The following RGPD8 variants were observed in gnomAD, a reference collection of about 807,000 sequenced individuals.
The protein encoded by RGPD8 is RANBP2 like and GRIP domain containing 8, also known as RANBP2-like and GRIP domain-containing protein 8.
Under a neutral mutation model 89.1 loss-of-function variants are expected in RGPD8, and 15 were observed. The ratio of observed to expected loss-of-function variants is 0.17; its 90% CI spans 0.11 to 0.26. RGPD8 has a LOEUF of 0.26. Among genes scored for constraint, RGPD8 ranks in the 10% least tolerant of loss-of-function variants. The probability of loss-of-function intolerance (pLI) is 1.00; values close to 1 mark genes in which losing one functional copy is unlikely to be tolerated. For missense variants in RGPD8, 178 were observed against 1,179.6 expected (o/e 0.15, Z 12.44); for synonymous variants, 62 against 420.9 (o/e 0.15, Z 10.44).
At chr2:112,420,239 T>C (rs1429870231) in intron 4 of RGPD8, among the ~76,000 whole-genome samples, 5 of 41,190 alleles carry the variant, frequency 1.2e-4, no homozygotes, top group African/African-American at 5.7e-4. Flanking sequence ...TACTCAGAAG[T>C]AAAGGAACCA....
At chr2:112,425,939 C>G (rs1412658730) in intron 1 of RGPD8, among the ~76,000 whole-genome samples, 4 of 152,024 alleles carry the variant, frequency 2.6e-5, no homozygotes, top group Non-Finnish European at 5.9e-5. Context: ...GTCCTCCACC[C>G]ACAAATTTAA....
At chr2:112,390,417 C>T (rs955406626) in intron 19 of RGPD8, among the ~76,000 whole-genome samples, 170 bp from the exon 20 acceptor site, 2 of 135,530 alleles carry the variant, frequency 1.5e-5, no homozygotes, top group African/African-American at 5.4e-5. Flanking sequence ...GGGCACTGTT[C>T]TAAGCACTTT....
intron 1 of RGPD8, among the ~76,000 whole-genome samples, chr2:112,427,071 A>T (rs975500503): frequency 6.6e-6 from 1 of 152,146 alleles, no homozygotes; most frequent in Non-Finnish European, 1.5e-5. Context: ...CTGGGATTAC[A>T]GGCATCAGCC....
chr2:112,411,226 C>A, intron 7 of RGPD8, among the ~76,000 whole-genome samples: 1 of 146,752 alleles, frequency 6.8e-6, no homozygotes, highest in Non-Finnish European at 1.5e-5. Flanking sequence ...TGGAAGACTG[C>A]TTATTTCTTT....
intron 7 of RGPD8, among the ~76,000 whole-genome samples, chr2:112,408,382 C>G (rs1464162432): frequency 1.2e-5 from 1 of 83,064 alleles, no homozygotes; most frequent in Admixed American, 1.4e-4. Flanking sequence ...GCTCATTTTT[C>G]AAAATATATG....
In RGPD8 at chr2:112,432,667, C is replaced by A. The variant is rs984105496; in HGVS notation, c.72+715G>T. The A allele has an allele frequency of 3.0e-6, 3 of 985,230 alleles. No individual in the cohort carries two copies. The African/African-American group carries it at 5.2e-5, about 17-fold the overall frequency. 61.0% of individuals were successfully genotyped at this position (985,230 alleles called of 1,614,324 possible). On this transcript the variant is annotated intron_variant, in intron 1 of 22. Coordinates refer to ENST00000302558, the MANE Select transcript of RGPD8 (RefSeq NM_001164463.1). Reference sequence around the variant, plus strand: ...GGACATGGGAAGAAACCCGCCGATACAGCACCCGGGTGCCCAAGCCCCCGA... The same window carrying A: ...GGACATGGGAAGAAACCCGCCGATAAAGCACCCGGGTGCCCAAGCCCCCGA...
At chr2:112,404,700 CAAAAAAAA>C (rs1318458486) in intron 8 of RGPD8, among the ~76,000 whole-genome samples, 8 of 45,756 alleles carry the variant, frequency 1.7e-4, no homozygotes, top group African/African-American at 4.2e-4. Context: ...ACTAAAAATA[CAAAAAAAA>C]AAAAAAAAAT....
chr2:112,423,829 A>G lies in RGPD8; in HGVS notation c.140+411T>C, dbSNP rs555489994. The stretch of plus-strand genomic sequence containing the variant: ...GCCTTACAGCATCACATATTGTGTC[A>G]ATTAAAGATCTTTTATACAAGCTAT... On this transcript the variant is annotated intron_variant, in intron 2 of 22. Coordinates refer to ENST00000302558, the MANE Select transcript of RGPD8 (RefSeq NM_001164463.1). 9.8e-5 allele frequency among the ~76,000 whole-genome samples: 15 copies of G among 152,362 alleles called. 1 individual carries two copies. Among genetic ancestry groups the G allele is most frequent in the African/African-American group, 3.6e-4 (15 of 41,586 alleles).
chr2:112,391,237 T>G (rs1459244130), intron 18 of RGPD8, among the ~76,000 whole-genome samples, 168 bp from the exon 19 acceptor site: 2 of 150,276 alleles, frequency 1.3e-5, no homozygotes, highest in Non-Finnish European at 3.0e-5. Context: ...GATTATCAAA[T>G]GACAAACTAG....
chr2:112,373,440 C>A (rs1573986299), intron 22 of RGPD8, among the ~76,000 whole-genome samples: 1 of 152,304 alleles, frequency 6.6e-6, no homozygotes, highest in African/African-American at 2.4e-5. Context: ...CTACTTTACC[C>A]CCCTAAGCTA....
intron 1 of RGPD8, among the ~76,000 whole-genome samples, chr2:112,425,619 G>A (rs1343950142): frequency 1.3e-5 from 2 of 151,828 alleles, no homozygotes; most frequent in Non-Finnish European, 2.9e-5. Flanking sequence ...AATTAGCTGG[G>A]CATGGTGGCA....
intron 19 of RGPD8, among the ~76,000 whole-genome samples, chr2:112,390,585 A>T (rs1678659855): frequency 1.4e-5 from 2 of 140,342 alleles, no homozygotes; most frequent in African/African-American, 2.6e-5. Flanking sequence ...GCACCCCAAC[A>T]CTCTGTCCTC....
At chr2:112,430,831 C>T (rs1679997584) in intron 1 of RGPD8, among the ~76,000 whole-genome samples, 1 of 151,942 alleles carries the variant, frequency 6.6e-6, no homozygotes, top group Non-Finnish European at 1.5e-5. Flanking sequence ...GTGGCGCATG[C>T]CTGTAGTCTC....
chr2:112,426,913 C>T (rs1214247218), intron 1 of RGPD8, among the ~76,000 whole-genome samples: 4 of 150,428 alleles, frequency 2.7e-5, no homozygotes, highest in East Asian at 4.0e-4. Flanking sequence ...GCAACCTCTG[C>T]GTCCCGGGTA....
intron 8 of RGPD8, among the ~76,000 whole-genome samples, chr2:112,404,867 G>GAAAA (rs1227179322): frequency 2.6e-5 from 2 of 77,792 alleles, no homozygotes; most frequent in Non-Finnish European, 5.2e-5. Flanking sequence ...ACTGTCTCAG[G>GAAAA]AAAAAAAAAA....
intron 1 of RGPD8, among the ~76,000 whole-genome samples, chr2:112,426,918 C>T (rs1424649360): frequency 3.5e-4 from 53 of 150,926 alleles, no homozygotes; most frequent in East Asian, 2.0e-4. Context: ...CTCTGCGTCC[C>T]GGGTACAAGC....
At chr2:112,374,870 T>C (rs1678075534) in intron 22 of RGPD8, among the ~76,000 whole-genome samples, 1 of 146,508 alleles carries the variant, frequency 6.8e-6, no homozygotes, top group South Asian at 2.2e-4. Flanking sequence ...TTTTTTTTTT[T>C]TTTTTTTTGA....
intron 1 of RGPD8, among the ~76,000 whole-genome samples, chr2:112,431,641 GTTTT>G (rs368409381): frequency 2.6e-4 from 37 of 141,276 alleles, no homozygotes; most frequent in African/African-American, 8.3e-4. Context: ...TGAGTTTCTG[GTTTT>G]TTTTTTTTTT....
chr2:112,374,926 C>T (rs1678079915), intron 22 of RGPD8, among the ~76,000 whole-genome samples: 1 of 139,116 alleles, frequency 7.2e-6, no homozygotes, highest in African/African-American at 2.6e-5. Flanking sequence ...GCAATGGCAC[C>T]ATCTCGGCTC....
Sources: gnomAD v4.1 joint callset for allele counts (sites outside exome capture counted in the v4.1 genomes callset) on GRCh38, gnomAD v4.1.1 for gene constraint, MANE v1.5 for transcripts, NCBI Gene and HGNC (gene_info 2026-07-23, HGNC 2026-07-21) for gene names.